Variants in AGTR1 observed in about 807,000 individuals in gnomAD.
The protein encoded by AGTR1 is angiotensin II receptor type 1, also known as type-1 angiotensin II receptor.
In AGTR1, 16 loss-of-function variants were observed where a neutral mutation model predicts 19.4. That is an observed-to-expected ratio of 0.82 (90% CI 0.56 to 1.25). AGTR1 has a LOEUF of 1.25. Among genes scored for constraint, AGTR1 ranks in the 50% most tolerant of loss-of-function variants. The pLI is 0.00. For missense variants in AGTR1, 373 were observed against 431.9 expected (o/e 0.86, Z 1.21); for synonymous variants, 153 against 154.9 (o/e 0.99, Z 0.09).
chr3:148,719,443 T>C (rs1017290170), intron 2 of AGTR1, among the ~76,000 whole-genome samples: 2 of 152,220 alleles, frequency 1.3e-5, no homozygotes, highest in Non-Finnish European at 2.9e-5. Flanking sequence ...AAAGATCTTG[T>C]GAACAGAGCT....
At chr3:148,701,406 T>C (rs2638363) in intron 1 of AGTR1, among the ~76,000 whole-genome samples, 116,236 of 152,126 alleles carry the variant, frequency 0.76, 45,218 homozygotes, top group East Asian at 0.9. Flanking sequence ...AGGAAAAACT[T>C]TCTTGCATAT....
At chr3:148,730,336 A>G in intron 2 of AGTR1, 1 of 394,156 alleles carries the variant, frequency 2.5e-6, no homozygotes. Flanking sequence ...GTTTCTTCTC[A>G]GGTAGATCTT....
At chr3:148,725,533 G>A (rs1713878721) in intron 2 of AGTR1, among the ~76,000 whole-genome samples, 2 of 152,182 alleles carry the variant, frequency 1.3e-5, no homozygotes, top group Non-Finnish European at 2.9e-5. Flanking sequence ...AGGCTGGAGT[G>A]CAGTGGCGCG....
At chr3:148,740,953 A>AT in intron 2 of AGTR1, 36 bp from the exon 3 acceptor site, 10 of 1,562,068 alleles carry the variant, frequency 6.4e-6, no homozygotes, top group South Asian at 1.2e-5. Flanking sequence ...TACAATAAGA[A>AT]TTTTTTCTTT....
intron 2 of AGTR1, among the ~76,000 whole-genome samples, chr3:148,725,923 A>G (rs1713907748): frequency 6.6e-6 from 1 of 152,244 alleles, no homozygotes; most frequent in African/African-American, 2.4e-5. Context: ...CTCTTGGTCT[A>G]TAAATTAGCT....
chr3:148,718,871 G>C (rs2107944258), intron 2 of AGTR1, among the ~76,000 whole-genome samples: 1 of 152,212 alleles, frequency 6.6e-6, no homozygotes, highest in South Asian at 2.1e-4. Flanking sequence ...TTTTGCATAG[G>C]CATTTTGAAG....
At chr3:148,730,494 A>G (rs971023074) in intron 2 of AGTR1, 1 of 318,154 alleles carries the variant, frequency 3.1e-6, no homozygotes, top group African/African-American at 2.1e-5. Context: ...TGTAATAGAA[A>G]TCTGCAGTTT....
intron 2 of AGTR1, among the ~76,000 whole-genome samples, chr3:148,733,301 A>G (rs186557274): frequency 2.0e-5 from 3 of 152,338 alleles, no homozygotes; most frequent in East Asian, 1.9e-4. Flanking sequence ...TGTGGCTTGT[A>G]TAATGTTAAA....
chr3:148,726,697 C>T (rs764233422), intron 2 of AGTR1, among the ~76,000 whole-genome samples: 8 of 152,034 alleles, frequency 5.3e-5, no homozygotes, highest in South Asian at 2.1e-4. Flanking sequence ...CCCAATTATG[C>T]GGGAAAGGCT....
chr3:148,698,956 A>G (rs1712152141), intron 1 of AGTR1, among the ~76,000 whole-genome samples: 1 of 151,048 alleles, frequency 6.6e-6, no homozygotes, highest in Admixed American at 6.6e-5. Context: ...AGACCTCAGC[A>G]ATTCTTCCCC....
rs145312006 is a variant in AGTR1, at chr3:148,700,539, T to G, written c.-132+2412T>G. ...TGCGAGCTCCTGCCCTCTAGCCGCATGCTTATTAGTTTACCTAGCCCTTTT... is the reference window on the plus strand; with the variant it reads ...TGCGAGCTCCTGCCCTCTAGCCGCAGGCTTATTAGTTTACCTAGCCCTTTT... On this transcript the variant is annotated intron_variant, in intron 1 of 2. Transcript: ENST00000349243. 3.5e-3 allele frequency among the ~76,000 whole-genome samples: 527 copies of G among 152,320 alleles called. 9 individuals are homozygous for G. In the Middle Eastern group the frequency reaches 0.037, roughly 11 times the overall value.
At chr3:148,703,947 A>G (rs1337178889) in intron 1 of AGTR1, among the ~76,000 whole-genome samples, 2 of 152,192 alleles carry the variant, frequency 1.3e-5, no homozygotes, top group Non-Finnish European at 2.9e-5. Context: ...TTGAAAAAAT[A>G]CCAAAACTAT....
chr3:148,728,548 G>T (rs1017070292), intron 2 of AGTR1, among the ~76,000 whole-genome samples: 5 of 152,130 alleles, frequency 3.3e-5, no homozygotes, highest in African/African-American at 1.2e-4. Flanking sequence ...AAAGCCAAAG[G>T]CCAGCAGTTT....
chr3:148,705,605 G>C (rs1712623329), intron 1 of AGTR1, among the ~76,000 whole-genome samples: 1 of 152,030 alleles, frequency 6.6e-6, no homozygotes, highest in African/African-American at 2.4e-5. Context: ...TGAGTTACCA[G>C]AGTGGATTTT....
chr3:148,730,144 A>G (rs991072127), intron 2 of AGTR1: 2 of 398,016 alleles, frequency 5.0e-6, no homozygotes, highest in African/African-American at 2.1e-5. Context: ...CATCATCCTC[A>G]TCGTGAACAT....
At position 148,741,029 on chromosome 3, in the gene AGTR1, G is replaced by A; in HGVS notation, c.-7G>A. ...TGTTTGCAACAAATTCGACCCAGGTGATCAAAATGATTCTCAACTCTTCTA... is the reference window on the plus strand; with the variant it reads ...TGTTTGCAACAAATTCGACCCAGGTAATCAAAATGATTCTCAACTCTTCTA... On this transcript the variant is annotated 5_prime_UTR_variant, in exon 3 of 3. Transcript: ENST00000349243. 1 of 1,613,684 alleles carries A rather than the reference G, an allele frequency of 6.2e-7. No individual in the cohort carries two copies. Among genetic ancestry groups the A allele is most frequent in the Non-Finnish European group, 8.5e-7 (1 of 1,179,872 alleles).
At chr3:148,722,295 T>G (rs1713691597) in intron 2 of AGTR1, among the ~76,000 whole-genome samples, 1 of 152,192 alleles carries the variant, frequency 6.6e-6, no homozygotes, top group South Asian at 2.1e-4. Context: ...TCAAAATGCT[T>G]GATGGAAGTT....
chr3:148,731,514 CTTTA>C (rs1714254219), intron 2 of AGTR1: 2 of 152,084 alleles, frequency 1.3e-5, no homozygotes, highest in African/African-American at 4.8e-5. Context: ...AAAGTCTGAG[CTTTA>C]TTTAATTCAT....
intron 2 of AGTR1, among the ~76,000 whole-genome samples, chr3:148,729,091 G>T (rs1714110033): frequency 6.6e-6 from 1 of 152,218 alleles, no homozygotes; most frequent in Non-Finnish European, 1.5e-5. Flanking sequence ...CACTAACACG[G>T]TTATTATAGT....
Sources: gnomAD v4.1 joint callset for allele counts (sites outside exome capture counted in the v4.1 genomes callset) on GRCh38, gnomAD v4.1.1 for gene constraint, MANE v1.5 for transcripts, NCBI Gene and HGNC (gene_info 2026-07-23, HGNC 2026-07-21) for gene names.